Variants in TMEM187 observed in about 807,000 individuals in gnomAD.
The protein encoded by TMEM187 is chromosome X open reading frame 12.
In TMEM187, 14 loss-of-function variants were observed where a neutral mutation model predicts 11.8. The ratio of observed to expected loss-of-function variants is 1.18; its 90% CI spans 0.78 to 1.85. TMEM187 has a LOEUF of 1.85. Ranked by LOEUF, TMEM187 falls within the 40% of genes most tolerant of loss-of-function variation. TMEM187 has a pLI of 0.00. For synonymous variants in TMEM187, 112 were observed against 118.5 expected, an observed-to-expected ratio of 0.95 and a Z score of 0.36; for missense variants, 227 against 243.9, an observed-to-expected ratio of 0.93 and a Z score of 0.46.
At position 153,982,283 on chromosome X, in the gene TMEM187, G is replaced by A. The variant is rs782516214; in HGVS notation, c.221G>A (p.Arg74Lys). ...YTLLGLSWLH[R>K]GGAMGLGPRY... ...CTGCTGGGGCTGTCGTGGCTGCACA[G>A]GGGCGGCGCGATGGGGCTGGGTCCC... Residue 74 changes from arginine (R) to lysine (K), a missense_variant, in exon 2 of 2, where the codon AGG becomes AAG. Arg to Lys is a conservative substitution (Grantham distance 26, BLOSUM62 2). Transcript: ENST00000369982. 5.8e-6 allele frequency: 7 copies of A among 1,211,626 alleles called. No homozygotes were observed. The highest frequency in any genetic ancestry group is 1.8e-5 in the South Asian group (1 of 57,034).
At chrX:153,975,577 G>A (rs1027957971) in intron 1 of TMEM187, among the ~76,000 whole-genome samples, 96 of 95,277 alleles carry the variant, frequency 1.0e-3, no homozygotes, top group African/African-American at 3.6e-3. Flanking sequence ...TGATCTGCCC[G>A]CCTCAGCCTC....
At chrX:153,981,806 G>C (rs782051539) in intron 1 of TMEM187, 44 bp from the exon 2 acceptor site, 1 of 469,761 alleles carries the variant, frequency 2.1e-6, no homozygotes, top group Admixed American at 3.9e-5. Context: ...GGCGGTGCTG[G>C]GGACGGTTTG....
At position 153,983,066 on chromosome X, in the gene TMEM187, C is replaced by A; in HGVS notation, c.*218C>A. The A allele has an allele frequency of 1.5e-6, 1 of 646,962 alleles. No homozygotes were observed. Among genetic ancestry groups the A allele is most frequent in the Non-Finnish European group, 2.4e-6 (1 of 422,407 alleles). 53.3% of individuals were successfully genotyped at this position (646,962 alleles called of 1,213,427 possible). A position where few individuals can be genotyped will look rare whatever the true frequency, so the allele number is the denominator to read the frequency against. On this transcript the variant is annotated 3_prime_UTR_variant, in exon 2 of 2. Coordinates refer to ENST00000369982, the MANE Select transcript of TMEM187 (RefSeq NM_003492.3). ...AAGACATAAAGCACAGATCTCCGCA[C>A]AGGGGATGTGTGTGTTCCTGATGTA...
Position 153,981,877 on chromosome X carries a change from C to A in TMEM187, c.-186C>A. The A allele has an allele frequency of 1.3e-6, 1 of 765,078 alleles. No homozygotes were observed. The highest frequency in any genetic ancestry group is 1.9e-6 in the Non-Finnish European group (1 of 532,124). 63.1% of individuals were successfully genotyped at this position (765,078 alleles called of 1,213,427 possible). ...AAAAGGCAGAACGTTCCTCCGCTGG[C>A]GCCAGCCAATCAGCAGGACTCCTGC... On this transcript the variant is annotated 5_prime_UTR_variant, in exon 2 of 2. Transcript: ENST00000369982.
In TMEM187 at chrX:153,982,247, T is replaced by C. The variant is rs1557122591; in HGVS notation, c.185T>C (p.Met62Thr). 1.7e-6 allele frequency: 2 copies of C among 1,211,395 alleles called. No individual in the cohort carries two copies. Among genetic ancestry groups the C allele is most frequent in the Admixed American group, 2.2e-5 (1 of 46,017 alleles). The change falls in exon 2 of 2, where the codon ATG (methionine) becomes ACG (threonine). Residue 62 changes from methionine (M) to threonine (T), a missense_variant. Met to Thr is a moderately conservative substitution (Grantham distance 81). Transcript: ENST00000369982. ...LAMPFNSLVNMAYTLLGLSWL... is the reference protein window; with the variant it reads ...LAMPFNSLVNTAYTLLGLSWL... ...ATGCCGTTCAACTCACTCGTGAACA[T>C]GGCCTACACGCTGCTGGGGCTGTCG...
chrX:153,982,539 T>TC lies in TMEM187; in HGVS notation c.481dup (p.Gln161ProfsTer51). ...CCAGTTATGGCCTCGCTCTGCTGCA[T>TC]CCCCAGGGCTTCGAGGTCGCACTGG... On this transcript the variant is annotated frameshift_variant, in exon 2 of 2. Coordinates refer to ENST00000369982, the MANE Select transcript of TMEM187 (RefSeq NM_003492.3). LOFTEE classifies it high-confidence loss of function. 2 of 1,207,723 alleles carry TC rather than the reference T, an allele frequency of 1.7e-6. No homozygotes were observed. Among genetic ancestry groups the TC allele is most frequent in the Non-Finnish European group, 2.2e-6 (2 of 895,243 alleles).
intron 1 of TMEM187, among the ~76,000 whole-genome samples, chrX:153,977,937 G>A (rs1364988234): frequency 1.9e-5 from 2 of 107,520 alleles, no homozygotes; most frequent in Admixed American, 1.0e-4. Context: ...AATAAAATAG[G>A]CCAGGCACGG....
chrX:153,981,855 A>T lies in TMEM187; in HGVS notation c.-208A>T. ...CTCCTTTTGTAACCACAAAGGAAAA[A>T]GGCAGAACGTTCCTCCGCTGGCGCC... On this transcript the variant is annotated 5_prime_UTR_variant, in exon 2 of 2. It adds an upstream start codon to the 5' untranslated region. Coordinates refer to ENST00000369982, the MANE Select transcript of TMEM187 (RefSeq NM_003492.3). 1 of 627,296 alleles carries T rather than the reference A, an allele frequency of 1.6e-6. No individual in the cohort carries two copies. Among genetic ancestry groups the T allele is most frequent in the Non-Finnish European group, 2.4e-6 (1 of 412,827 alleles). 51.7% of individuals were successfully genotyped at this position (627,296 alleles called of 1,213,427 possible). A position where few individuals can be genotyped will look rare whatever the true frequency, so the allele number is the denominator to read the frequency against.
At chrX:153,980,846 G>T (rs991302480) in intron 1 of TMEM187, among the ~76,000 whole-genome samples, 2 of 108,352 alleles carry the variant, frequency 1.8e-5, no homozygotes, top group African/African-American at 6.8e-5. Flanking sequence ...CTGAACCTGG[G>T]AGGCGGAGGT....
rs1557120808 is a variant in TMEM187 at position 153,972,767 on chromosome X, G to C, written c.-307G>C. ...GCGCGCAGGCGCACCGGCGCTGCTC[G>C]GATCCTCCCTTTTCGGAGATTTGAA... On this transcript the variant is annotated 5_prime_UTR_variant, in exon 1 of 2. Transcript: ENST00000369982. The C allele has an allele frequency of 9.0e-6, 1 of 111,622 alleles. No homozygotes were observed. Among genetic ancestry groups the C allele is most frequent in the African/African-American group, 3.2e-5 (1 of 31,102 alleles). The allele number at this position is 111,622 out of a possible 1,213,427, so 9.2% of individuals were successfully genotyped here. A position where few individuals can be genotyped will look rare whatever the true frequency, so the allele number is the denominator to read the frequency against.
intron 1 of TMEM187, 122 bp from the exon 2 acceptor site, chrX:153,981,728 T>G (rs994246338): frequency 3.8e-5 from 14 of 372,568 alleles, no homozygotes; most frequent in Admixed American, 2.2e-4. Flanking sequence ...GTGCAGCGGT[T>G]TCACTCTGAT....
At chrX:153,980,629 C>T (rs782003862) in intron 1 of TMEM187, 1 of 111,460 alleles carries the variant, frequency 9.0e-6, no homozygotes, top group African/African-American at 3.3e-5. Context: ...CAAAGGTGAG[C>T]TAACCGGGCT....
In TMEM187 at chrX:153,983,047, T is replaced by C. The variant is rs1557122922; in HGVS notation, c.*199T>C. The C allele has an allele frequency of 1.6e-5, 13 of 789,399 alleles. No individual in the cohort carries two copies. The highest frequency in any genetic ancestry group is 1.7e-5 in the Non-Finnish European group (9 of 545,381). 65.1% of individuals were successfully genotyped at this position (789,399 alleles called of 1,213,427 possible). On this transcript the variant is annotated 3_prime_UTR_variant, in exon 2 of 2. Coordinates refer to ENST00000369982, the MANE Select transcript of TMEM187 (RefSeq NM_003492.3). ...TCTCGACAACTTACTTTCAAAGACATAAAGCACAGATCTCCGCACAGGGGA... is the reference window on the plus strand; with the variant it reads ...TCTCGACAACTTACTTTCAAAGACACAAAGCACAGATCTCCGCACAGGGGA...
rs781889069 is a variant in TMEM187, at chrX:153,982,989, C to T, written c.*141C>T. On this transcript the variant is annotated 3_prime_UTR_variant, in exon 2 of 2. Transcript: ENST00000369982. ...AAGACTGCCCTTTCCTGAGAAGCTG[C>T]GGGCTTCGGTGTGGAGGGGTGGAGT... 9.5e-5 allele frequency: 108 copies of T among 1,133,215 alleles called. No individual in the cohort carries two copies. Among genetic ancestry groups the T allele is most frequent in the Non-Finnish European group, 1.0e-4 (85 of 844,101 alleles). The allele number at this position is 1,133,215 out of a possible 1,213,427, so 93.4% of individuals were successfully genotyped here.
At position 153,982,146 on chromosome X, in the gene TMEM187, C is replaced by T. The variant is rs782333367; in HGVS notation, c.84C>T (p.Phe28=). 9.1e-6 allele frequency: 11 copies of T among 1,211,633 alleles called. No individual in the cohort carries two copies. Among genetic ancestry groups the T allele is most frequent in the African/African-American group, 8.7e-5 (5 of 57,744 alleles). The change falls in exon 2 of 2, where the codon TTC becomes TTT. Residue 28 remains phenylalanine (F), a synonymous_variant. Transcript: ENST00000369982. ...CCGTGGCTGTGTTCACGGGCATTTT[C>T]GACAGTGTTTCCGTGCAAGTGGGCT... ...LCAVAVFTGI[F]DSVSVQVGYE... is the part of the protein sequence containing the mutation.
intron 1 of TMEM187, among the ~76,000 whole-genome samples, chrX:153,974,007 G>T (rs1557121110): frequency 2.7e-5 from 3 of 111,505 alleles, no homozygotes; most frequent in Admixed American, 1.9e-4. Context: ...CCAGGCGCTG[G>T]GGGAAGCTGT....
rs1305520694 is a variant in TMEM187, at chrX:153,982,355, C to T, written c.293C>T (p.Pro98Leu). 9 of 1,205,321 alleles carry T rather than the reference C, an allele frequency of 7.5e-6. No individual in the cohort carries two copies. Among genetic ancestry groups the T allele is most frequent in the Non-Finnish European group, 1.0e-5 (9 of 894,143 alleles). ...GCAGCCATGGCCCTGCTCTATGGCCCCGTGCAGTGGCTGCGCCTGTGGACG... is the reference window on the plus strand; with the variant it reads ...GCAGCCATGGCCCTGCTCTATGGCCTCGTGCAGTGGCTGCGCCTGTGGACG... Reference protein sequence around the residue: ...VFAAMALLYGPVQWLRLWTQW... With the variant: ...VFAAMALLYGLVQWLRLWTQW... Residue 98 changes from proline to leucine, a missense_variant, in exon 2 of 2, where the codon CCC becomes CTC. Physicochemically the swap from Pro to Leu is moderately conservative, Grantham distance 98. Transcript: ENST00000369982.
chrX:153,977,936 G>A (rs1218287777), intron 1 of TMEM187, among the ~76,000 whole-genome samples: 2 of 107,730 alleles, frequency 1.9e-5, no homozygotes, highest in Middle Eastern at 4.8e-3. Flanking sequence ...AAATAAAATA[G>A]GCCAGGCACG....
chrX:153,972,768 G>T lies in TMEM187; in HGVS notation c.-306G>T, dbSNP rs2065556309. 1 of 111,653 alleles carries T rather than the reference G, an allele frequency of 9.0e-6. No homozygotes were observed. Among genetic ancestry groups the T allele is most frequent in the Non-Finnish European group, 1.9e-5 (1 of 52,660 alleles). The allele number at this position is 111,653 out of a possible 1,213,427, so 9.2% of individuals were successfully genotyped here. On this transcript the variant is annotated 5_prime_UTR_variant, in exon 1 of 2. Coordinates refer to ENST00000369982, the MANE Select transcript of TMEM187 (RefSeq NM_003492.3). ...CGCGCAGGCGCACCGGCGCTGCTCG[G>T]ATCCTCCCTTTTCGGAGATTTGAAT... is the stretch of plus-strand genomic sequence containing the variant.
Sources: allele counts gnomAD v4.1 joint callset (sites outside exome capture counted in the v4.1 genomes callset), GRCh38; gene constraint gnomAD v4.1.1; transcripts MANE v1.5; gene names NCBI Gene and HGNC (gene_info 2026-07-23, HGNC 2026-07-21).